The following TRIO variants were observed in gnomAD, a reference collection of about 807,000 sequenced individuals.
TRIO encodes trio Rho guanine nucleotide exchange factor, also known as triple functional domain protein.
In TRIO, 58 loss-of-function variants were observed where a neutral mutation model predicts 351.9. The observed-to-expected ratio is 0.16, with a 90% CI of 0.13 to 0.21. TRIO has a LOEUF of 0.21. Among genes scored for constraint, TRIO ranks in the 10% least tolerant of loss-of-function variants. The pLI, the probability that TRIO is intolerant of heterozygous loss-of-function variation, is 1.00. For synonymous variants in TRIO, 1,758 were observed against 1,595.7 expected (o/e 1.10, Z -2.42); for missense variants, 3,201 against 4,027.8 (o/e 0.79, Z 5.56).
chr5:14,328,650 G>A (rs1740629974), intron 9 of TRIO, among the ~76,000 whole-genome samples: 1 of 152,226 alleles, frequency 6.6e-6, no homozygotes, highest in Non-Finnish European at 1.5e-5. Context: ...CTGGTTATAG[G>A]CGGGGATGCC....
At chr5:14,270,312 C>T (rs947563943) in intron 1 of TRIO, among the ~76,000 whole-genome samples, 8 of 152,166 alleles carry the variant, frequency 5.3e-5, no homozygotes, top group Non-Finnish European at 7.4e-5. Context: ...AGGAGAAAGC[C>T]AGGCCCCAGC....
At chr5:14,455,322 C>G (rs1452408061) in intron 34 of TRIO, among the ~76,000 whole-genome samples, 1 of 152,150 alleles carries the variant, frequency 6.6e-6, no homozygotes, top group African/African-American at 2.4e-5. Context: ...CTGATTGGTG[C>G]GTTTACAATC....
At chr5:14,315,202 C>T (rs1174855688) in intron 8 of TRIO, among the ~76,000 whole-genome samples, 1 of 150,898 alleles carries the variant, frequency 6.6e-6, no homozygotes, top group East Asian at 1.9e-4. Flanking sequence ...CTAAGGGTTT[C>T]TTCTAAACTG....
At position 14,286,073 on chromosome 5, in the gene TRIO, A is replaced by G. The variant is rs1736419453; in HGVS notation, c.348-798A>G. Among the ~76,000 whole-genome samples the G allele has an allele frequency of 6.6e-6, 1 of 152,144 alleles. No homozygotes were observed. Among genetic ancestry groups the G allele is most frequent in the Non-Finnish European group, 1.5e-5 (1 of 68,030 alleles). The stretch of plus-strand genomic sequence containing the variant: ...ATGTAGTCAGTGGTTGAGATTTAAT[A>G]CAATTAGAAGCTGGCACTTTTTTTT... On this transcript the variant is annotated intron_variant, in intron 3 of 56. Coordinates refer to ENST00000344204, the MANE Select transcript of TRIO (RefSeq NM_007118.4). The surrounding 1 kb of genome is among the most constrained non-coding windows in gnomAD (Gnocchi z 4.4).
rs186506727 is a variant in TRIO, at chr5:14,160,563, C to G, written c.157+16681C>G. 1.1e-4 allele frequency among the ~76,000 whole-genome samples: 16 copies of G among 152,300 alleles called. No individual in the cohort carries two copies. The East Asian group carries it at 2.5e-3, about 24-fold the overall frequency. ...AAGAGGCAAGATGATTAGGCAGATT[C>G]TCTCTTTTGGCCTCTTTTAAAAATG... On this transcript the variant is annotated intron_variant, in intron 1 of 56. Transcript: ENST00000344204.
chr5:14,379,297 A>T (rs1046518714), intron 20 of TRIO, among the ~76,000 whole-genome samples: 2 of 152,210 alleles, frequency 1.3e-5, no homozygotes, highest in Non-Finnish European at 2.9e-5. Flanking sequence ...CAGGCATTGG[A>T]TACATGCTTT....
chr5:14,253,155 G>C (rs558407035), intron 1 of TRIO, among the ~76,000 whole-genome samples: 1 of 152,212 alleles, frequency 6.6e-6, no homozygotes, highest in Non-Finnish European at 1.5e-5. Flanking sequence ...GGACAGGAGT[G>C]CTGCACTTGC....
intron 1 of TRIO, among the ~76,000 whole-genome samples, chr5:14,190,385 C>G (rs1412749701): frequency 6.6e-6 from 1 of 152,178 alleles, no homozygotes; most frequent in East Asian, 1.9e-4. Context: ...CCAGAAAAAT[C>G]AACCACATAT....
chr5:14,489,238 G>T, intron 48 of TRIO: 1 of 515,376 alleles, frequency 1.9e-6, no homozygotes, highest in Non-Finnish European at 3.4e-6. Flanking sequence ...GGTTTGACTT[G>T]GTCTTATCCT....
intron 1 of TRIO, among the ~76,000 whole-genome samples, chr5:14,264,323 T>C (rs1160190766): frequency 6.6e-6 from 1 of 152,148 alleles, no homozygotes; most frequent in Non-Finnish European, 1.5e-5. Context: ...GGTATGCTGT[T>C]ATAGGCTGTT....
chr5:14,195,227 T>C (rs1440077891), intron 1 of TRIO, among the ~76,000 whole-genome samples: 1 of 152,224 alleles, frequency 6.6e-6, no homozygotes, highest in Non-Finnish European at 1.5e-5. Context: ...CTGGAAGAGC[T>C]ATTCAGTCTG....
At chr5:14,275,057 G>T (rs187779254) in intron 2 of TRIO, among the ~76,000 whole-genome samples, 1 of 151,962 alleles carries the variant, frequency 6.6e-6, no homozygotes, top group African/African-American at 2.4e-5. Flanking sequence ...ACACACACAC[G>T]CATTTTAATG....
At chr5:14,224,118 AC>A (rs763580888) in intron 1 of TRIO, among the ~76,000 whole-genome samples, 2 of 152,192 alleles carry the variant, frequency 1.3e-5, no homozygotes, top group East Asian at 1.9e-4. Context: ...ATTTAATGTT[AC>A]AGTGTTTATC....
chr5:14,394,286 C>CT (rs1321511326), intron 28 of TRIO, among the ~76,000 whole-genome samples, 156 bp downstream of exon 28: 1 of 152,150 alleles, frequency 6.6e-6, no homozygotes, highest in Non-Finnish European at 1.5e-5. Context: ...TGCCTAATTT[C>CT]TCATTGCAGG....
intron 27 of TRIO, among the ~76,000 whole-genome samples, chr5:14,392,471 C>T (rs1385164361): frequency 2.0e-5 from 3 of 152,180 alleles, no homozygotes; most frequent in Non-Finnish European, 2.9e-5. Context: ...TGCTTTTACA[C>T]TGTTGGTGGG....
intron 1 of TRIO, among the ~76,000 whole-genome samples, chr5:14,249,235 T>C (rs1352376317): frequency 6.6e-6 from 1 of 152,210 alleles, no homozygotes; most frequent in Non-Finnish European, 1.5e-5. Context: ...TGAAAATGAT[T>C]TCTGATTTAG....
In TRIO at chr5:14,277,895, A is replaced by G. The variant is rs371633222; in HGVS notation, c.233-2427A>G. Among the ~76,000 whole-genome samples, 10 of 152,368 alleles carry G rather than the reference A, an allele frequency of 6.6e-5. No individual in the cohort carries two copies. The East Asian group carries it at 9.6e-4, about 15-fold the overall frequency. ...GCAGAAAGTGATCATTAACTGCGTTATGCCATCTATTGGAAGGTGCACCCT... is the reference window on the plus strand; with the variant it reads ...GCAGAAAGTGATCATTAACTGCGTTGTGCCATCTATTGGAAGGTGCACCCT... On this transcript the variant is annotated intron_variant, in intron 2 of 56. Coordinates refer to ENST00000344204, the MANE Select transcript of TRIO (RefSeq NM_007118.4).
At chr5:14,282,143 A>G (rs1232335600) in intron 3 of TRIO, among the ~76,000 whole-genome samples, 1 of 152,194 alleles carries the variant, frequency 6.6e-6, no homozygotes, top group African/African-American at 2.4e-5. Context: ...ATCTGGAGTA[A>G]GTTTTCCCTT....
chr5:14,350,920 G>C (rs190991312), intron 11 of TRIO, among the ~76,000 whole-genome samples: 1 of 152,106 alleles, frequency 6.6e-6, no homozygotes, highest in Non-Finnish European at 1.5e-5. Flanking sequence ...CAGATTATCA[G>C]GCGTTAGTTA....
Sources: allele counts gnomAD v4.1 joint callset (sites outside exome capture counted in the v4.1 genomes callset), GRCh38; gene constraint gnomAD v4.1.1; non-coding constraint Gnocchi (gnomAD v3.1); transcripts MANE v1.5; gene names NCBI Gene and HGNC (gene_info 2026-07-23, HGNC 2026-07-21).